Variants in ADAR observed in about 807,000 individuals in gnomAD.
The protein encoded by ADAR is double-stranded RNA-specific adenosine deaminase.
In ADAR, 41 loss-of-function variants were observed where a neutral mutation model predicts 113.2. The ratio of observed to expected loss-of-function variants is 0.36; its 90% CI spans 0.28 to 0.47. The LOEUF (loss-of-function observed/expected upper bound fraction) is 0.47. Among genes scored for constraint, ADAR ranks in the 20% least tolerant of loss-of-function variants. The probability of loss-of-function intolerance (pLI) is 1.00; values close to 1 mark genes in which losing one functional copy is unlikely to be tolerated. For synonymous variants in ADAR, 605 were observed against 572.6 expected, an observed-to-expected ratio of 1.06 and a Z score of -0.81; for missense variants, 1,242 against 1,540.9, an observed-to-expected ratio of 0.81 and a Z score of 3.25.
At position 154,583,754 on chromosome 1, in the gene ADAR, T is replaced by G. The variant is rs1696556262; in HGVS notation, c.*1052A>C. On this transcript the variant is annotated 3_prime_UTR_variant, in exon 15 of 15. Coordinates refer to ENST00000368474, the MANE Select transcript of ADAR (RefSeq NM_001111.5). The stretch of plus-strand genomic sequence containing the variant: ...CTAATTTACATGTGACTTAGTCAAC[T>G]TCCCTTGGTGTCACTGTCATGAGAG... The G allele has an allele frequency of 1.3e-5, 2 of 152,252 alleles. No homozygotes were observed. The highest frequency in any genetic ancestry group is 2.9e-5 in the Non-Finnish European group (2 of 68,044). 9.4% of individuals were successfully genotyped at this position (152,252 alleles called of 1,614,324 possible).
Position 154,615,038 on chromosome 1 carries a change from G to A in ADAR, c.-870-12412C>T, listed in dbSNP as rs184865299. ...CCTTGAAGACTAGAGCGACGCAGCCGCAACACAAGCGATGCCAGCACCCAC... is the reference window on the plus strand; with the variant it reads ...CCTTGAAGACTAGAGCGACGCAGCCACAACACAAGCGATGCCAGCACCCAC... On this transcript the variant is annotated intron_variant, in intron 1 of 14. Transcript: ENST00000368471. 1.7e-4 allele frequency among the ~76,000 whole-genome samples: 26 copies of A among 152,326 alleles called. No individual in the cohort carries two copies. The East Asian group carries it at 4.1e-3, about 24-fold the overall frequency.
chr1:154,618,847 T>C (rs1437422438), intron 1 of ADAR, among the ~76,000 whole-genome samples: 1 of 152,196 alleles, frequency 6.6e-6, no homozygotes, highest in Non-Finnish European at 1.5e-5. Context: ...TGGTGGCTTA[T>C]GCCTGTAATC....
chr1:154,609,750 C>T (rs1028514304), upstream of ADAR, among the ~76,000 whole-genome samples: 2 of 152,220 alleles, frequency 1.3e-5, no homozygotes, highest in African/African-American at 4.8e-5. Context: ...CAAAACTTTA[C>T]TAAGCACCTA....
chr1:154,605,846 C>A (rs1354799094), intron 1 of ADAR, among the ~76,000 whole-genome samples: 3 of 151,696 alleles, frequency 2.0e-5, no homozygotes, highest in Admixed American at 6.6e-5. Flanking sequence ...CTTTGAGTGA[C>A]CTTGGGAAAA....
rs368530348 is a variant in ADAR, at chr1:154,597,938, G to A, written c.1824C>T (p.Ser608=). ...ESQTPTPSAT[S]FFSGKSPVTT... ...TGACGGGGCTCTTCCCAGAAAAGAA[G>A]GATGTGGCTGAAGGGGTGGGGGTCT... The change falls in exon 4 of 15, where the codon TCC becomes TCT. Residue 608 remains serine, a synonymous_variant. Transcript: ENST00000368474. The A allele has an allele frequency of 1.2e-6, 2 of 1,614,156 alleles. No individual in the cohort carries two copies. The highest frequency in any genetic ancestry group is 1.7e-6 in the Non-Finnish European group (2 of 1,180,026).
intron 1 of ADAR, among the ~76,000 whole-genome samples, chr1:154,604,722 G>A (rs992618350): frequency 7.9e-5 from 12 of 151,656 alleles, no homozygotes; most frequent in Admixed American, 2.6e-4. Context: ...CTGTATTAAC[G>A]GATCCACCCT....
chr1:154,608,187 A>C (rs1400704303), upstream of ADAR: 1 of 709,630 alleles, frequency 1.4e-6, no homozygotes, highest in Non-Finnish European at 2.2e-6. Flanking sequence ...GCTCCGGTTC[A>C]ATTTCGCTTT....
chr1:154,618,370 A>G (rs1291916440), intron 1 of ADAR, among the ~76,000 whole-genome samples: 2 of 152,168 alleles, frequency 1.3e-5, no homozygotes, highest in Non-Finnish European at 2.9e-5. Flanking sequence ...ATCAAATTAA[A>G]TAACGATTTA....
At chr1:154,589,548 A>T (rs894136147) in intron 8 of ADAR, 86 bp from the exon 9 acceptor site, 1 of 1,318,230 alleles carries the variant, frequency 7.6e-7, no homozygotes, top group Non-Finnish European at 1.1e-6. Context: ...GAAAGCTTCA[A>T]GGCAGAAACA....
In ADAR at chr1:154,602,466, T is replaced by C. The variant is rs756612053; in HGVS notation, c.176A>G (p.Lys59Arg). 1.1e-5 allele frequency: 17 copies of C among 1,613,870 alleles called. No homozygotes were observed. In the African/African-American group the frequency reaches 1.7e-4, roughly 16 times the overall value. ...GQLPEAPVIGKQTPSLPPSLP... is the reference protein window; with the variant it reads ...GQLPEAPVIGRQTPSLPPSLP... ...GGAAGGTGGCAGTGACGGTGTCTGC[T>C]TTCCAATCACCGGTGCTTCTGGGAG... is the stretch of plus-strand genomic sequence containing the variant. The change falls in exon 2 of 15, where the codon AAG becomes AGG. Residue 59 changes from lysine (K) to arginine (R), a missense_variant. Physicochemically the swap from Lys to Arg is conservative, Grantham distance 26 (BLOSUM62 2). Transcript: ENST00000368474.
chr1:154,598,185 GA>G (rs1214631465), intron 3 of ADAR, among the ~76,000 whole-genome samples: 1 of 152,140 alleles, frequency 6.6e-6, no homozygotes. Context: ...TTTCAAGTCC[GA>G]AATTCTGTAA....
chr1:154,627,549 T>C (rs2101710591), intron 1 of ADAR, among the ~76,000 whole-genome samples: 1 of 152,348 alleles, frequency 6.6e-6, no homozygotes, highest in African/African-American at 2.4e-5. Context: ...ACCCAGCTGC[T>C]GGGCTCCGGC....
At chr1:154,590,904 T>C (rs1411145254) in intron 6 of ADAR, among the ~76,000 whole-genome samples, 1 of 152,026 alleles carries the variant, frequency 6.6e-6, no homozygotes, top group Non-Finnish European at 1.5e-5. Flanking sequence ...CAGTGAGCTA[T>C]GACCATATCA....
rs774083659 is a variant in ADAR at position 154,598,467 on chromosome 1, T to TGGCTTC, written c.1714_1719dup (p.Glu572_Ala573dup). Reference sequence around the variant, plus strand: ...TCTGATTTTCCACTGTCCTTGGCTTTGGCTTCCTCTAGCAGAATTGTCATG... The same window carrying TGGCTTC: ...TCTGATTTTCCACTGTCCTTGGCTTTGGCTTCGGCTTCCTCTAGCAGAATTGTCATG... On this transcript the variant is annotated inframe_insertion, in exon 3 of 15. Coordinates refer to ENST00000368474, the MANE Select transcript of ADAR (RefSeq NM_001111.5). The TGGCTTC allele has an allele frequency of 1.2e-6, 2 of 1,614,130 alleles. No homozygotes were observed. The highest frequency in any genetic ancestry group is 1.1e-5 in the South Asian group (1 of 91,092).
chr1:154,595,999 T>C (rs1302774805), intron 6 of ADAR, among the ~76,000 whole-genome samples: 1 of 152,228 alleles, frequency 6.6e-6, no homozygotes, highest in Admixed American at 6.5e-5. Context: ...TACAGTTACA[T>C]GCTGTACAGG....
rs546746674 is a variant in ADAR at position 154,625,981 on chromosome 1, G to A, written c.-871+1874C>T. Among the ~76,000 whole-genome samples the A allele has an allele frequency of 2.5e-3, 322 of 130,436 alleles. 2 individuals are homozygous for A. Among genetic ancestry groups the A allele is most frequent in the African/African-American group, 9.3e-3 (310 of 33,178 alleles). The allele number at this position is 130,436 out of a possible 152,430, so 85.6% of individuals were successfully genotyped here. ...ATCGCATCATTGCACTCCAGCCTGC[G>A]CGATGGAGTGAGACTCTGTCTCAAA... On this transcript the variant is annotated intron_variant, in intron 1 of 14. Coordinates refer to the ADAR transcript ENST00000368471.
upstream of ADAR, among the ~76,000 whole-genome samples, chr1:154,610,824 GAA>G (rs1298389364): frequency 6.3e-3 from 410 of 65,240 alleles, 10 homozygotes; most frequent in African/African-American, 0.025. Flanking sequence ...AAAAAAAAAA[GAA>G]AAAAAAAAAA....
chr1:154,589,433 T>C lies in ADAR; in HGVS notation c.2698A>G (p.Ser900Gly). 6.2e-7 allele frequency: 1 copy of C among 1,614,104 alleles called. No homozygotes were observed. Among genetic ancestry groups the C allele is most frequent in the Non-Finnish European group, 8.5e-7 (1 of 1,179,950 alleles). Residue 900 changes from serine (S) to glycine (G), a missense_variant, in exon 9 of 15, where the codon AGC becomes GGC. Ser to Gly is a moderately conservative substitution (Grantham distance 56). Transcript: ENST00000368474. Reference sequence around the variant, plus strand: ...TCATTGACAGTTTCTCCTTTTAGGCTGAGAGAATCTCCTTTCACACAGCGA... The same window carrying C: ...TCATTGACAGTTTCTCCTTTTAGGCCGAGAGAATCTCCTTTCACACAGCGA... ...GNRCVKGDSL[S>G]LKGETVNDCH...
At chr1:154,619,801 G>A (rs958397385) in intron 1 of ADAR, among the ~76,000 whole-genome samples, 1 of 152,168 alleles carries the variant, frequency 6.6e-6, no homozygotes, top group African/African-American at 2.4e-5. Flanking sequence ...AATACCTAAT[G>A]TTGGTGAGGA....
Sources: allele counts gnomAD v4.1 joint callset (sites outside exome capture counted in the v4.1 genomes callset), GRCh38; gene constraint gnomAD v4.1.1; transcripts MANE v1.5; gene names NCBI Gene and HGNC (gene_info 2026-07-23, HGNC 2026-07-21).